The following ITPR2 variants were observed in gnomAD, a reference collection of about 807,000 sequenced individuals.
ITPR2 encodes inositol 1,4,5-trisphosphate-gated calcium channel ITPR2.
In ITPR2, 207 loss-of-function variants were observed where a neutral mutation model predicts 317.1. The observed-to-expected ratio is 0.65, with a 90% CI of 0.58 to 0.73. The LOEUF (loss-of-function observed/expected upper bound fraction) is 0.73. Among genes scored for constraint, ITPR2 ranks in the 30% least tolerant of loss-of-function variants. The pLI, the probability that ITPR2 is intolerant of heterozygous loss-of-function variation, is 0.00. For missense variants in ITPR2, 2,613 were observed against 3,284.0 expected (o/e 0.80, Z 4.99); for synonymous variants, 1,156 against 1,149.1 (o/e 1.01, Z -0.12).
In ITPR2 at chr12:26,487,184, C is replaced by T. The variant is rs201167858; in HGVS notation, c.5438G>A (p.Arg1813Gln). 6.8e-5 allele frequency: 109 copies of T among 1,612,988 alleles called. No homozygotes were observed. In the African/African-American group the frequency reaches 9.6e-4, roughly 14 times the overall value. Residue 1813 changes from arginine to glutamine, a missense_variant, in exon 40 of 57, where the codon CGA (arginine) becomes CAA (glutamine). By Grantham distance (43) the Arg-to-Gln change is conservative. Transcript: ENST00000381340. Reference protein sequence around the residue: ...SEKFFKVLYDRMKAAQKEIRS... With the variant: ...SEKFFKVLYDQMKAAQKEIRS... Reference sequence around the variant, plus strand: ...TATTTCTTTCTGAGCAGCCTTCATTCGATCATAGAGAACTTTAAAGAATTT... The same window carrying T: ...TATTTCTTTCTGAGCAGCCTTCATTTGATCATAGAGAACTTTAAAGAATTT...
At position 26,559,076 on chromosome 12, in the gene ITPR2, T is replaced by A. The variant is rs544067928; in HGVS notation, c.4821+2686A>T. The stretch of plus-strand genomic sequence containing the variant: ...AAATTAATACACTTCTCTGCATTAC[T>A]ATTGTTACCTCCTTAAGCCAAGCTA... On this transcript the variant is annotated intron_variant, in intron 35 of 56. Coordinates refer to ENST00000381340, the MANE Select transcript of ITPR2 (RefSeq NM_002223.4). Among the ~76,000 whole-genome samples the A allele has an allele frequency of 2.6e-5, 4 of 152,356 alleles. No homozygotes were observed. In the East Asian group the frequency reaches 7.7e-4, roughly 29 times the overall value.
In ITPR2 at chr12:26,523,339, C is replaced by T. The variant is rs115977075; in HGVS notation, c.5073+26908G>A. Among the ~76,000 whole-genome samples the T allele has an allele frequency of 5.8e-3, 878 of 152,290 alleles. 12 individuals are homozygous for T. Among genetic ancestry groups the T allele is most frequent in the African/African-American group, 0.02 (835 of 41,560 alleles). On this transcript the variant is annotated intron_variant, in intron 37 of 56. Transcript: ENST00000381340. ...AATTTGTTCAACATTAAAAGGCCAT[C>T]TGAGCTCACAACTTAGTTTTAATTT...
At chr12:26,339,649 C>T (rs546244045) in intron 56 of ITPR2, among the ~76,000 whole-genome samples, 166 bp from the exon 57 acceptor site, 2 of 152,106 alleles carry the variant, frequency 1.3e-5, no homozygotes, top group South Asian at 2.1e-4. Flanking sequence ...TTTCCATAAA[C>T]AGAGAAAAAG....
intron 48 of ITPR2, among the ~76,000 whole-genome samples, chr12:26,429,206 G>A (rs2136705474): frequency 6.6e-6 from 1 of 152,200 alleles, no homozygotes; most frequent in South Asian, 2.1e-4. Flanking sequence ...ACTGTTAAAA[G>A]ACAAACAAAA....
chr12:26,784,346 T>G (rs1367651815), intron 2 of ITPR2, among the ~76,000 whole-genome samples: 1 of 38,262 alleles, frequency 2.6e-5, no homozygotes, highest in Non-Finnish European at 7.3e-5. Flanking sequence ...TCCCTCTCCC[T>G]CTCCCTCTCC....
At chr12:26,356,795 C>T (rs955693342) in intron 55 of ITPR2, among the ~76,000 whole-genome samples, 25 of 152,220 alleles carry the variant, frequency 1.6e-4, no homozygotes, top group African/African-American at 6.0e-4. Context: ...GATCCTCTTG[C>T]TTTGGCTTCC....
rs10580959 is a variant in ITPR2 at position 26,461,691 on chromosome 12, T to TAC, written c.6342+13603_6342+13604dup. ...ATATATGCACACATACATATATATA[T>TAC]ACACACACACACACACACACACACA... On this transcript the variant is annotated intron_variant, in intron 45 of 56. Transcript: ENST00000381340. Among the ~76,000 whole-genome samples the TAC allele has an allele frequency of 8.9e-3, 1,101 of 123,712 alleles. 24 individuals are homozygous for TAC. Among genetic ancestry groups the TAC allele is most frequent in the African/African-American group, 0.029 (946 of 32,086 alleles). The allele number at this position is 123,712 out of a possible 152,430, so 81.2% of individuals were successfully genotyped here.
intron 49 of ITPR2, among the ~76,000 whole-genome samples, chr12:26,425,045 G>A (rs1941014505): frequency 6.6e-6 from 1 of 152,014 alleles, no homozygotes; most frequent in Non-Finnish European, 1.5e-5. Flanking sequence ...ACAGGCATCA[G>A]TCACTGCACC....
At chr12:26,487,303 GT>G in intron 39 of ITPR2, 52 bp from the exon 40 acceptor site, 2 of 1,342,124 alleles carry the variant, frequency 1.5e-6, no homozygotes, top group Non-Finnish European at 2.0e-6. Flanking sequence ...GACAAATGGT[GT>G]TTTTATGCTT....
intron 10 of ITPR2, among the ~76,000 whole-genome samples, chr12:26,689,844 G>A (rs2136977654): frequency 6.6e-6 from 1 of 152,236 alleles, no homozygotes; most frequent in East Asian, 1.9e-4. Flanking sequence ...AAGGAAGGAG[G>A]AGGTTTAGAA....
At chr12:26,730,892 A>G (rs2035440) in intron 2 of ITPR2, among the ~76,000 whole-genome samples, 124,086 of 152,130 alleles carry the variant, frequency 0.82, 50,778 homozygotes, top group East Asian at 0.98. Flanking sequence ...GCCAACCTTC[A>G]CACATGAGTC....
At chr12:26,795,349 C>T (rs548032888) in intron 1 of ITPR2, among the ~76,000 whole-genome samples, 4 of 152,178 alleles carry the variant, frequency 2.6e-5, no homozygotes, top group Admixed American at 1.3e-4. Flanking sequence ...ATTTATGAAT[C>T]GGAGAGTAGA....
chr12:26,832,389 G>A (rs988176500), intron 1 of ITPR2, among the ~76,000 whole-genome samples: 1 of 152,254 alleles, frequency 6.6e-6, no homozygotes, highest in African/African-American at 2.4e-5. Flanking sequence ...AACAACCCAG[G>A]GAGAAGCCAG....
chr12:26,457,755 C>T (rs1941926693), intron 45 of ITPR2, among the ~76,000 whole-genome samples: 1 of 152,168 alleles, frequency 6.6e-6, no homozygotes, highest in Admixed American at 6.6e-5. Context: ...GGTTCAACTG[C>T]ATTATATCCT....
rs1946482922 is a variant in ITPR2 at position 26,621,137 on chromosome 12, C to T, written c.3448G>A (p.Glu1150Lys). The change falls in exon 26 of 57, where the codon GAA becomes AAA. Residue 1150 changes from glutamate (E) to lysine (K), a missense_variant. By Grantham distance (56) the Glu-to-Lys change is moderately conservative (BLOSUM62 1). Coordinates refer to ENST00000381340, the MANE Select transcript of ITPR2 (RefSeq NM_002223.4). ...EIGESQVKGG[E>K]EPIEESNILS... ...TTGAAACGAACCTCAATTGGCTCTT[C>T]ACCACCTTTCACTTGACTTTCCCCT... The T allele has an allele frequency of 1.9e-6, 3 of 1,612,952 alleles. No individual in the cohort carries two copies. Among genetic ancestry groups the T allele is most frequent in the Admixed American group, 1.7e-5 (1 of 59,878 alleles).
rs182878791 is a variant in ITPR2 at position 26,650,767 on chromosome 12, C to G, written c.2740+3209G>C. ...ACAAGCAGCTTTAGTATGGACATTT[C>G]AAGTGTTATGTACCCTCTGGGAGTG... On this transcript the variant is annotated intron_variant, in intron 21 of 56. Coordinates refer to ENST00000381340, the MANE Select transcript of ITPR2 (RefSeq NM_002223.4). Among the ~76,000 whole-genome samples the G allele has an allele frequency of 1.9e-3, 285 of 152,258 alleles. 2 individuals carry two copies. The highest frequency in any genetic ancestry group is 2.6e-4 in the Non-Finnish European group (18 of 68,008).
At chr12:26,542,405 T>C (rs945045024) in intron 37 of ITPR2, among the ~76,000 whole-genome samples, 1 of 152,318 alleles carries the variant, frequency 6.6e-6, no homozygotes, top group African/African-American at 2.4e-5. Flanking sequence ...AGCGCAACTG[T>C]TTAGGTTGGA....
intron 15 of ITPR2, among the ~76,000 whole-genome samples, chr12:26,662,904 T>C (rs1268866618): frequency 6.6e-6 from 1 of 152,084 alleles, no homozygotes; most frequent in Non-Finnish European, 1.5e-5. Flanking sequence ...CTCCTGGCCT[T>C]GAGTAATCCC....
chr12:26,421,628 C>T (rs937850326), intron 49 of ITPR2, among the ~76,000 whole-genome samples: 24 of 152,304 alleles, frequency 1.6e-4, no homozygotes, highest in African/African-American at 3.1e-4. Context: ...AAGTTGACAT[C>T]GTCTAACCAG....
Sources: gnomAD v4.1 joint callset for allele counts (sites outside exome capture counted in the v4.1 genomes callset) on GRCh38, gnomAD v4.1.1 for gene constraint, MANE v1.5 for transcripts, NCBI Gene and HGNC (gene_info 2026-07-23, HGNC 2026-07-21) for gene names.